FERMT3: variants seen among roughly 807,000 people sequenced by gnomAD.
The protein encoded by FERMT3 is FERM domain containing kindlin 3, also known as fermitin family homolog 3.
FERMT3 carries 33 observed loss-of-function variants against 80.8 expected under a neutral mutation model. The observed-to-expected ratio is 0.41, with a 90% confidence interval of 0.31 to 0.55. The LOEUF (loss-of-function observed/expected upper bound fraction) is 0.55, where lower values mean the gene tolerates loss of function less well. Among genes scored for constraint, FERMT3 ranks in the 20% least tolerant of loss-of-function variants. FERMT3 has a pLI of 0.31. For missense variants in FERMT3, 754 were observed against 908.7 expected (o/e 0.83, Z 2.19); for synonymous variants, 375 against 372.2 (o/e 1.01, Z -0.09).
rs1203031425 is a variant in FERMT3, at chr11:64,223,495, GCTGT to G, written c.*7_*10del. On this transcript the variant is annotated 3_prime_UTR_variant, in exon 15 of 15. Transcript: ENST00000345728. ...CCGGGGGCCATGAGGCCTTCTGAGG[GCTGT>G]CTGATTGCCCCTGCCCTGCTCACCA... The G allele has an allele frequency of 5.0e-6, 8 of 1,603,982 alleles. No homozygotes were observed. Among genetic ancestry groups the G allele is most frequent in the Non-Finnish European group, 6.8e-6 (8 of 1,178,938 alleles).
In FERMT3 at chr11:64,210,635, A is replaced by G; in HGVS notation, c.185A>G (p.His62Arg). The G allele has an allele frequency of 1.2e-6, 2 of 1,614,116 alleles. No homozygotes were observed. Among genetic ancestry groups the G allele is most frequent in the South Asian group, 2.2e-5 (2 of 91,088 alleles). The stretch of plus-strand genomic sequence containing the variant: ...GATCGCAAGCAGGACTGGTCAGACC[A>G]TGCTATTTGGTGGGAACAGAAGAGG... ...QINRKQDWSD[H>R]AIWWEQKRQW... Residue 62 changes from histidine (H) to arginine (R), a missense_variant, in exon 3 of 15, where the codon CAT becomes CGT. By Grantham distance (29) the His-to-Arg change is conservative (BLOSUM62 0). Coordinates refer to ENST00000345728, the MANE Select transcript of FERMT3 (RefSeq NM_031471.6). The surrounding 1 kb of genome is among the most constrained non-coding windows in gnomAD (Gnocchi z 4.3).
intron 12 of FERMT3, 27 bp downstream of exon 12, chr11:64,220,696 G>A: frequency 5.0e-6 from 8 of 1,584,424 alleles, no homozygotes; most frequent in Non-Finnish European, 6.9e-6. Flanking sequence ...GGGTGGGAAT[G>A]AGCATAGTGT....
intron 2 of FERMT3, 63 bp downstream of exon 2, chr11:64,207,587 G>A: frequency 6.5e-7 from 1 of 1,547,834 alleles, no homozygotes. Flanking sequence ...GGTGTCTCTG[G>A]GCACTTCCGG....
chr11:64,218,672 T>C (rs4294564), intron 6 of FERMT3, among the ~76,000 whole-genome samples: 5,806 of 152,282 alleles, frequency 0.038, 369 homozygotes, highest in African/African-American at 0.13. Context: ...TTCAGCGGGA[T>C]TGTTGGTCTT....
In FERMT3 at chr11:64,210,219, GTC is replaced by G. The variant is rs1946405248; in HGVS notation, c.161-388_161-387del. On this transcript the variant is annotated intron_variant, in intron 2 of 14. Transcript: ENST00000345728. The surrounding 1 kb of genome is among the most constrained non-coding windows in gnomAD (Gnocchi z 4.3). ...GACATACAACGGTGAGACAGACGTA[GTC>G]TCTGCCTCCAGGAGCTCCCCAGAAT... is the stretch of plus-strand genomic sequence containing the variant. 6.6e-6 allele frequency among the ~76,000 whole-genome samples: 1 copy of G among 152,340 alleles called. No homozygotes were observed. Among genetic ancestry groups the G allele is most frequent in the Non-Finnish European group, 1.5e-5 (1 of 68,024 alleles).
At chr11:64,207,570 C>T (rs776483974) in intron 2 of FERMT3, 46 bp downstream of exon 2, 72 of 1,568,652 alleles carry the variant, frequency 4.6e-5, no homozygotes, top group Middle Eastern at 2.2e-4. Context: ...CATGGGCGGC[C>T]GCCACGGGTG....
intron 6 of FERMT3, among the ~76,000 whole-genome samples, chr11:64,216,150 A>G (rs1408625008): frequency 6.7e-6 from 1 of 149,884 alleles, no homozygotes; most frequent in Non-Finnish European, 1.5e-5. Flanking sequence ...TTAAAAAAAG[A>G]ATATTCTGGT....
In FERMT3 at chr11:64,219,296, G is replaced by A. The variant is rs759656611; in HGVS notation, c.832G>A (p.Asp278Asn). 1.2e-6 allele frequency: 2 copies of A among 1,609,290 alleles called. No homozygotes were observed. Among genetic ancestry groups the A allele is most frequent in the East Asian group, 2.2e-5 (1 of 44,588 alleles). ...ACAGCTGTATGAGCAGGCCCGGTGG[G>A]ACCTGCTGCTGGAGGAGATTGACTG... The part of the protein sequence containing the change: ...LTQLYEQARW[D>N]LLLEEIDCTE... The change falls in exon 7 of 15, where the codon GAC becomes AAC. Residue 278 changes from aspartate to asparagine, a missense_variant. Transcript: ENST00000345728. The surrounding 1 kb of genome is among the most constrained non-coding windows in gnomAD (Gnocchi z 4.0).
Position 64,220,303 on chromosome 11 carries a change from G to T in FERMT3, c.1288G>T (p.Glu430Ter). The change falls in exon 11 of 15, where the codon GAG becomes TAG. Residue 430 changes from glutamate (E) to a stop codon, truncating the protein, a stop_gained. Transcript: ENST00000345728. LOFTEE classifies it high-confidence loss of function. ...AGTGCCCTCCCCTGAGGGCATGAGTGAGATCTACCTGCGGTGCCAGGATGT... is the reference window on the plus strand; with the variant it reads ...AGTGCCCTCCCCTGAGGGCATGAGTTAGATCTACCTGCGGTGCCAGGATGT... ...LLVPSPEGMS[E>*]IYLRCQDEQQ... 1 of 1,613,880 alleles carries T rather than the reference G, an allele frequency of 6.2e-7. No individual in the cohort carries two copies. Among genetic ancestry groups the T allele is most frequent in the South Asian group, 1.1e-5 (1 of 91,080 alleles).
At chr11:64,218,842 C>T (rs1050322474) in intron 6 of FERMT3, among the ~76,000 whole-genome samples, 3 of 152,224 alleles carry the variant, frequency 2.0e-5, no homozygotes, top group Non-Finnish European at 4.4e-5. Context: ...ACTGCTTCCC[C>T]ATGTTCCATT....
chr11:64,214,419 C>T (rs1343533605), intron 6 of FERMT3, among the ~76,000 whole-genome samples: 2 of 152,118 alleles, frequency 1.3e-5, no homozygotes, highest in East Asian at 1.9e-4. Context: ...GATCTTGGCT[C>T]ACTGCAACCT....
At position 64,220,761 on chromosome 11, in the gene FERMT3, A is replaced by G. The variant is rs199518754; in HGVS notation, c.1545+92A>G. 5.6e-5 allele frequency: 75 copies of G among 1,328,908 alleles called. No homozygotes were observed. In the East Asian group the frequency reaches 1.4e-3, roughly 26 times the overall value. 82.3% of individuals were successfully genotyped at this position (1,328,908 alleles called of 1,614,324 possible). A position where few individuals can be genotyped will look rare whatever the true frequency, so the allele number is the denominator to read the frequency against. On this transcript the variant is annotated intron_variant, in intron 12 of 14. Transcript: ENST00000345728. ...CCACAGAGCCTTCCTCAGGAAAGCTACGTACTCACTGGGCTTCTCCCACTG... is the reference window on the plus strand; with the variant it reads ...CCACAGAGCCTTCCTCAGGAAAGCTGCGTACTCACTGGGCTTCTCCCACTG...
At chr11:64,207,646 C>A in intron 2 of FERMT3, 122 bp downstream of exon 2, 6 of 1,224,930 alleles carry the variant, frequency 4.9e-6, no homozygotes, top group Non-Finnish European at 6.8e-6. Flanking sequence ...GTGACTCAGG[C>A]ATTAGCTTAA....
In FERMT3 at chr11:64,219,999, G is replaced by A. The variant is rs148021416; in HGVS notation, c.1188G>A (p.Gln396=). 1.0e-3 allele frequency: 1,680 copies of A among 1,613,632 alleles called. 1 individual carries two copies. Among genetic ancestry groups the A allele is most frequent in the Non-Finnish European group, 1.3e-3 (1,548 of 1,179,972 alleles). ...ACGAGGCCCCTGGGGACCCCATTCA[G>A]CAGCTCAACCTCAAGGGTAAGTGCA... The part of the protein sequence containing the change: ...SQDEAPGDPI[Q]QLNLKGCEVV... The change falls in exon 10 of 15, where the codon CAG becomes CAA. Residue 396 remains glutamine (Q), a synonymous_variant. Coordinates refer to ENST00000345728, the MANE Select transcript of FERMT3 (RefSeq NM_031471.6). The surrounding 1 kb of genome is among the most constrained non-coding windows in gnomAD (Gnocchi z 4.0).
Position 64,207,409 on chromosome 11 carries a change from A to C in FERMT3, c.45A>C (p.Ser15=). Residue 15 remains serine, a synonymous_variant, in exon 2 of 15, where the codon TCA becomes TCC. Transcript: ENST00000345728. The part of the protein sequence containing the change: ...KTASGDYIDS[S]WELRVFVGEE... ...CCTCCGGGGACTACATCGACTCGTC[A>C]TGGGAGCTGCGGGTGTTTGTGGGAG... The C allele has an allele frequency of 6.2e-7, 1 of 1,614,150 alleles. No homozygotes were observed. The highest frequency in any genetic ancestry group is 8.5e-7 in the Non-Finnish European group (1 of 1,179,998).
chr11:64,209,509 G>A (rs1421250383), intron 2 of FERMT3, among the ~76,000 whole-genome samples: 11 of 152,294 alleles, frequency 7.2e-5, no homozygotes, highest in Non-Finnish European at 1.0e-4. Flanking sequence ...GTAAGGGGCC[G>A]GTCAGGAGAG....
chr11:64,223,424 C>T lies in FERMT3; in HGVS notation c.1924C>T (p.Arg642Trp), dbSNP rs778780064. ...CTACATTTTCCTGTCGACGCGGGAG[C>T]GGGCCCGTGGGGAGGAGCTGGATGA... ...GGYIFLSTRE[R>W]ARGEELDEDL... is the part of the protein sequence containing the mutation. The change falls in exon 15 of 15, where the codon CGG becomes TGG. Residue 642 changes from arginine to tryptophan, a missense_variant. Transcript: ENST00000345728. 18 of 1,613,314 alleles carry T rather than the reference C, an allele frequency of 1.1e-5. No homozygotes were observed. Among genetic ancestry groups the T allele is most frequent in the East Asian group, 4.5e-5 (2 of 44,898 alleles).
At chr11:64,213,731 T>C (rs928945750) in intron 6 of FERMT3, among the ~76,000 whole-genome samples, 2 of 151,086 alleles carry the variant, frequency 1.3e-5, no homozygotes, top group African/African-American at 4.9e-5. Context: ...GCTAATTTTG[T>C]ATTTTTAGTA....
chr11:64,222,319 C>T (rs1454361527), intron 13 of FERMT3, among the ~76,000 whole-genome samples: 2 of 151,402 alleles, frequency 1.3e-5, no homozygotes, highest in African/African-American at 2.4e-5. Flanking sequence ...GTAATCCCAG[C>T]ACTTTGGGAG....
Sources: gnomAD v4.1 joint callset for allele counts (sites outside exome capture counted in the v4.1 genomes callset) on GRCh38, gnomAD v4.1.1 for gene constraint, Gnocchi (gnomAD v3.1) non-coding constraint, MANE v1.5 for transcripts, NCBI Gene and HGNC (gene_info 2026-07-23, HGNC 2026-07-21) for gene names.